BAZ1B: variants seen among roughly 807,000 people sequenced by gnomAD.
BAZ1B encodes tyrosine-protein kinase BAZ1B.
A neutral mutation model predicts 153.8 loss-of-function variants in BAZ1B; 22 were observed. The observed-to-expected ratio is 0.14, with a 90% confidence interval of 0.10 to 0.20. BAZ1B has a LOEUF of 0.20. Ranked by LOEUF, BAZ1B falls within the 10% of genes least tolerant of loss-of-function variation. The probability of loss-of-function intolerance (pLI) is 1.00; values close to 1 mark genes in which losing one functional copy is unlikely to be tolerated. For missense variants in BAZ1B, 1,325 were observed against 1,799.3 expected, an observed-to-expected ratio of 0.74 and a Z score of 4.77; for synonymous variants, 676 against 633.4, an observed-to-expected ratio of 1.07 and a Z score of -1.01.
intron 11 of BAZ1B, among the ~76,000 whole-genome samples, chr7:73,464,834 A>G (rs565295539): frequency 6.6e-6 from 1 of 151,722 alleles, no homozygotes; most frequent in Non-Finnish European, 1.5e-5. Flanking sequence ...CAAGTGATCA[A>G]CTCAGCTCAG....
rs781987381 is a variant in BAZ1B, at chr7:73,459,609, C to T, written c.3359G>A (p.Arg1120Lys). 16 of 1,613,930 alleles carry T rather than the reference C, an allele frequency of 9.9e-6. No individual in the cohort carries two copies. The highest frequency in any genetic ancestry group is 1.3e-5 in the African/African-American group (1 of 74,914). The change falls in exon 13 of 20, where the codon AGA (arginine) becomes AAA (lysine). Residue 1120 changes from arginine (R) to lysine (K), a missense_variant. Physicochemically the swap from Arg to Lys is conservative, Grantham distance 26. This residue lies in a region of BAZ1B where 431 missense variants were observed against 563.5 expected (regional missense o/e 0.76). Coordinates refer to ENST00000339594, the MANE Select transcript of BAZ1B (RefSeq NM_032408.4). The part of the protein sequence containing the change: ...QGFMAPKQKR[R>K]KLQSEDSAKT... ...TGCTGAATCTTCACTTTGGAGTTTTCTTCTCTTTTGCTTGGGAGCCATGAA... is the reference window on the plus strand; with the variant it reads ...TGCTGAATCTTCACTTTGGAGTTTTTTTCTCTTTTGCTTGGGAGCCATGAA...
At chr7:73,505,519 GT>G (rs1236628000) in intron 3 of BAZ1B, among the ~76,000 whole-genome samples, 1 of 152,072 alleles carries the variant, frequency 6.6e-6, no homozygotes, top group African/African-American at 2.4e-5. Flanking sequence ...CCTGCAGACT[GT>G]TAGAACTGAA....
rs781892210 is a variant in BAZ1B, at chr7:73,477,431, T to C, written c.2030A>G (p.Lys677Arg). The C allele has an allele frequency of 1.9e-6, 3 of 1,614,262 alleles. No individual in the cohort carries two copies. Among genetic ancestry groups the C allele is most frequent in the Non-Finnish European group, 1.7e-6 (2 of 1,180,052 alleles). Residue 677 changes from lysine to arginine, a missense_variant, in exon 7 of 20, where the codon AAG becomes AGG. Coordinates refer to ENST00000339594, the MANE Select transcript of BAZ1B (RefSeq NM_032408.4). The surrounding 1 kb of genome is among the most constrained non-coding windows in gnomAD (Gnocchi z 5.6). ...CAGAGTCAAGGGGATTTCCGACAGC[T>C]TCATTCCCAATTCACCATAGTCTTC... ...IAEDYGELGM[K>R]LSEIPLTLHS...
intron 5 of BAZ1B, among the ~76,000 whole-genome samples, chr7:73,489,666 G>A (rs560501755): frequency 5.9e-5 from 9 of 152,228 alleles, no homozygotes; most frequent in African/African-American, 1.7e-4. Flanking sequence ...ATCAAAATAC[G>A]CCAATAGTCC....
At chr7:73,493,869 G>C (rs1554576032) in intron 4 of BAZ1B, among the ~76,000 whole-genome samples, 1 of 150,518 alleles carries the variant, frequency 6.6e-6, no homozygotes, top group African/African-American at 2.4e-5. Context: ...GAGAGAGAGA[G>C]AATACGATAT....
At chr7:73,462,082 T>G (rs897797382) in intron 12 of BAZ1B, among the ~76,000 whole-genome samples, 2 of 152,204 alleles carry the variant, frequency 1.3e-5, no homozygotes, top group Admixed American at 1.3e-4. Context: ...AAAAAAATTC[T>G]AAAAATCAGC....
intron 6 of BAZ1B, among the ~76,000 whole-genome samples, chr7:73,479,581 T>C (rs972962610): frequency 2.0e-5 from 3 of 151,670 alleles, no homozygotes; most frequent in Admixed American, 2.0e-4. Context: ...CATACCCTCT[T>C]ATGTTCCAAA....
intron 1 of BAZ1B, among the ~76,000 whole-genome samples, chr7:73,516,317 T>C (rs1554579268): frequency 6.6e-6 from 1 of 152,030 alleles, no homozygotes; most frequent in African/African-American, 2.4e-5. Context: ...CATCCAGCTG[T>C]TTTCTTTTTT....
At chr7:73,474,220 C>A (rs1183070477) in intron 7 of BAZ1B, among the ~76,000 whole-genome samples, 3 of 152,054 alleles carry the variant, frequency 2.0e-5, no homozygotes, top group African/African-American at 7.2e-5. Context: ...ACTAGGACAA[C>A]TGGAGAGCCA....
At chr7:73,516,843 T>C (rs1790824117) in intron 1 of BAZ1B, among the ~76,000 whole-genome samples, 1 of 148,974 alleles carries the variant, frequency 6.7e-6, no homozygotes. Flanking sequence ...ACGGCTATTT[T>C]AAGTTTGTGT....
chr7:73,465,568 GAAAAA>G, intron 10 of BAZ1B, 31 bp from the exon 11 acceptor site: 1 of 980,126 alleles, frequency 1.0e-6, no homozygotes, highest in East Asian at 2.9e-5. Flanking sequence ...TGATAACTCT[GAAAAA>G]AAAAAAAAAA....
chr7:73,459,628 C>T lies in BAZ1B; in HGVS notation c.3340G>A (p.Ala1114Thr). Residue 1114 changes from alanine (A) to threonine (T), a missense_variant, in exon 13 of 20, where the codon GCT becomes ACT. Ala to Thr is a moderately conservative substitution (Grantham distance 58). This residue lies in a region of BAZ1B where 431 missense variants were observed against 563.5 expected (regional missense o/e 0.76). Transcript: ENST00000339594. The part of the protein sequence containing the change: ...VIKKFLQGFM[A>T]PKQKRRKLQS... ...AGTTTTCTTCTCTTTTGCTTGGGAG[C>T]CATGAAGCCTTGGAGAAATTTCTTT... 6.2e-7 allele frequency: 1 copy of T among 1,614,026 alleles called. No individual in the cohort carries two copies. The highest frequency in any genetic ancestry group is 8.5e-7 in the Non-Finnish European group (1 of 1,180,018).
intron 9 of BAZ1B, among the ~76,000 whole-genome samples, chr7:73,467,838 C>A (rs1788653665): frequency 1.3e-5 from 2 of 152,236 alleles, no homozygotes; most frequent in Non-Finnish European, 2.9e-5. Flanking sequence ...CAAATCTAAA[C>A]ATCCAGGCTC....
chr7:73,468,435 T>C (rs978456091), intron 9 of BAZ1B, among the ~76,000 whole-genome samples: 1 of 152,116 alleles, frequency 6.6e-6, no homozygotes, highest in Non-Finnish European at 1.5e-5. Context: ...AAAAGATTCA[T>C]CTAGCCCAAA....
intron 13 of BAZ1B, among the ~76,000 whole-genome samples, chr7:73,455,875 G>GT (rs1563367135): frequency 6.6e-6 from 1 of 152,138 alleles, no homozygotes; most frequent in Non-Finnish European, 1.5e-5. Context: ...GAATATACTG[G>GT]TAAGTGAGAA....
chr7:73,456,937 C>CAAAAAAAAAAAA (rs71071937), intron 13 of BAZ1B, among the ~76,000 whole-genome samples: 4 of 39,582 alleles, frequency 1.0e-4, no homozygotes, highest in African/African-American at 1.8e-4. Context: ...GACTCTGTCT[C>CAAAAAAAAAAAA]AAAAAAAAAA....
In BAZ1B at chr7:73,442,670, T is replaced by G. The variant is rs998907367; in HGVS notation, c.4094+55A>C. On this transcript the variant is annotated intron_variant, in intron 18 of 19. Coordinates refer to ENST00000339594, the MANE Select transcript of BAZ1B (RefSeq NM_032408.4). Reference sequence around the variant, plus strand: ...AGAGCCCCTCAGGGGCTCTGGAAGCTTTTAGAACCAGCCAGGCCACTCCTC... The same window carrying G: ...AGAGCCCCTCAGGGGCTCTGGAAGCGTTTAGAACCAGCCAGGCCACTCCTC... The G allele has an allele frequency of 3.8e-5, 60 of 1,577,638 alleles. No individual in the cohort carries two copies. The South Asian group carries it at 5.4e-4, about 14-fold the overall frequency.
At chr7:73,442,140 T>TTC in intron 19 of BAZ1B, 41 bp downstream of exon 19, 21 of 269,534 alleles carry the variant, frequency 7.8e-5, no homozygotes, top group South Asian at 2.7e-4. Flanking sequence ...CTCGCCTCCC[T>TTC]CCCACCCTCC....
intron 6 of BAZ1B, among the ~76,000 whole-genome samples, chr7:73,486,373 C>T (rs1193456655): frequency 6.6e-6 from 1 of 152,128 alleles, no homozygotes; most frequent in Non-Finnish European, 1.5e-5. Flanking sequence ...GTTGCCCAGG[C>T]TGGAGTGCAG....
Sources: allele counts gnomAD v4.1 joint callset (sites outside exome capture counted in the v4.1 genomes callset), GRCh38; gene constraint gnomAD v4.1.1; regional missense constraint gnomAD v4.1.1; non-coding constraint Gnocchi (gnomAD v3.1); transcripts MANE v1.5; gene names NCBI Gene and HGNC (gene_info 2026-07-23, HGNC 2026-07-21).